Variants in SSTR3 observed in about 807,000 individuals in gnomAD.
The protein encoded by SSTR3 is somatostatin receptor type 3.
For missense variants in SSTR3, 504 were observed against 604.7 expected, an observed-to-expected ratio of 0.83 and a Z score of 1.75; for synonymous variants, 281 against 269.2, an observed-to-expected ratio of 1.04 and a Z score of -0.43.
upstream of SSTR3, among the ~76,000 whole-genome samples, chr22:37,213,257 C>A (rs73887415): frequency 3.1e-3 from 475 of 152,336 alleles, 1 homozygote; most frequent in African/African-American, 0.011. Context: ...GCCGTACAGT[C>A]CTGAGCACAG....
chr22:37,213,479 C>A (rs574462179), upstream of SSTR3, among the ~76,000 whole-genome samples: 1 of 152,354 alleles, frequency 6.6e-6, no homozygotes, highest in South Asian at 2.1e-4. Context: ...AGGTACCTGG[C>A]ACTGCAGAGA....
chr22:37,215,489 G>A (rs1305719026), upstream of SSTR3, among the ~76,000 whole-genome samples: 4 of 152,162 alleles, frequency 2.6e-5, no homozygotes, highest in African/African-American at 7.2e-5. Flanking sequence ...AGGTTCAAGC[G>A]ATTCTCCTGC....
At position 37,206,889 on chromosome 22, in the gene SSTR3, G is replaced by A. The variant is rs776767744; in HGVS notation, c.915C>T (p.Asn305=). 4 of 1,613,590 alleles carry A rather than the reference G, an allele frequency of 2.5e-6. No individual in the cohort carries two copies. The highest frequency in any genetic ancestry group is 3.4e-6 in the Non-Finnish European group (4 of 1,180,034). Residue 305 remains asparagine, a synonymous_variant, in exon 2 of 2, where the codon AAC becomes AAT. Coordinates refer to ENST00000610913, the MANE Select transcript of SSTR3 (RefSeq NM_001051.5). The part of the protein sequence containing the change: ...YFLVVALPYA[N]SCANPILYGF... ...CATAAAGGATGGGGTTGGCACAGCT[G>A]TTGGCATAGGGCAGCGCCACCACCA...
chr22:37,214,138 G>A (rs1417844178), upstream of SSTR3, among the ~76,000 whole-genome samples: 3 of 152,138 alleles, frequency 2.0e-5, no homozygotes, highest in East Asian at 1.9e-4. Flanking sequence ...CCTGGAACCC[G>A]TCCACTGCTC....
the SSTR3 span, among the ~76,000 whole-genome samples, chr22:37,218,740 C>G: frequency 6.6e-6 from 1 of 151,974 alleles, no homozygotes; most frequent in Non-Finnish European, 1.5e-5. Flanking sequence ...AGAACTCTGG[C>G]TGAATACTCC....
At chr22:37,210,313 G>A (rs1926114174) in intron 1 of SSTR3, among the ~76,000 whole-genome samples, 1 of 151,844 alleles carries the variant, frequency 6.6e-6, no homozygotes, top group African/African-American at 2.4e-5. Flanking sequence ...GCACATGTCT[G>A]TGCACCCACA....
rs759747737 is a variant in SSTR3 at position 37,206,808 on chromosome 22, G to T, written c.996C>A (p.Ser332=). The change falls in exon 2 of 2, where the codon TCC becomes TCA. Residue 332 remains serine, a synonymous_variant. Transcript: ENST00000610913. ...TGGGCTCCTGGCTGCGCACACGGCG[G>T]GAGGGCCGCAGCAGGACCCTGCGGA... ...QGFRRVLLRP[S]RRVRSQEPTV... 21 of 1,612,376 alleles carry T rather than the reference G, an allele frequency of 1.3e-5. No homozygotes were observed. In the East Asian group the frequency reaches 4.2e-4, roughly 32 times the overall value.
At chr22:37,220,025 T>G in the SSTR3 span, among the ~76,000 whole-genome samples, 2 of 152,198 alleles carry the variant, frequency 1.3e-5, no homozygotes. Flanking sequence ...AGGGCCTTAG[T>G]GTAAAACAAA....
Position 37,206,459 on chromosome 22 carries a change from A to G in SSTR3, c.*88T>C, listed in dbSNP as rs1422046809. 13 of 1,502,596 alleles carry G rather than the reference A, an allele frequency of 8.7e-6. No individual in the cohort carries two copies. The highest frequency in any genetic ancestry group is 1.4e-5 in the African/African-American group (1 of 71,712). The allele number at this position is 1,502,596 out of a possible 1,614,324, so 93.1% of individuals were successfully genotyped here. Reference sequence around the variant, plus strand: ...AGTCCAGGCCCCTCAACATCCCATCATGGGCCTGTGGCACCTTGGGAAGTA... The same window carrying G: ...AGTCCAGGCCCCTCAACATCCCATCGTGGGCCTGTGGCACCTTGGGAAGTA... On this transcript the variant is annotated 3_prime_UTR_variant, in exon 2 of 2. Coordinates refer to ENST00000610913, the MANE Select transcript of SSTR3 (RefSeq NM_001051.5).
the SSTR3 span, among the ~76,000 whole-genome samples, chr22:37,219,505 C>T: frequency 2.0e-5 from 3 of 152,230 alleles, no homozygotes; most frequent in Admixed American, 6.5e-5. Context: ...TCTCCCTCTC[C>T]GGGACCTGTC....
In SSTR3 at chr22:37,206,709, G is replaced by GC; in HGVS notation, c.1094dup (p.Lys366GlnfsTer88). The GC allele has an allele frequency of 6.2e-7, 1 of 1,608,338 alleles. No individual in the cohort carries two copies. The highest frequency in any genetic ancestry group is 8.5e-7 in the Non-Finnish European group (1 of 1,179,676). On this transcript the variant is annotated frameshift_variant, in exon 2 of 2. Coordinates refer to ENST00000610913, the MANE Select transcript of SSTR3 (RefSeq NM_001051.5). LOFTEE classifies it low-confidence loss of function (END_TRUNC). ...CCCGGCCGTTCATCTCCTTCCCCTTGCCCCCCTCCCTGCTCTCCTCCCCAT... is the reference window on the plus strand; with the variant it reads ...CCCGGCCGTTCATCTCCTTCCCCTTGCCCCCCCTCCCTGCTCTCCTCCCCAT...
In SSTR3 at chr22:37,207,491, C is replaced by T. The variant is rs1925901903; in HGVS notation, c.313G>A (p.Ala105Thr). The T allele has an allele frequency of 8.1e-6, 13 of 1,612,736 alleles. No individual in the cohort carries two copies. Among genetic ancestry groups the T allele is most frequent in the South Asian group, 6.6e-5 (6 of 90,934 alleles). Residue 105 changes from alanine to threonine, a missense_variant, in exon 2 of 2, where the codon GCC becomes ACC. Coordinates refer to ENST00000610913, the MANE Select transcript of SSTR3 (RefSeq NM_001051.5). ...LGLPFLAAQN[A>T]LSYWPFGSLM... ...GAGCCGAAGGGCCAGTAGGACAGGG[C>T]GTTCTGGGCGGCCAGGAAGGGCAGC...
In SSTR3 at chr22:37,207,723, G is replaced by T. The variant is rs770079168; in HGVS notation, c.81C>A (p.Thr27=). ...NASSAWPPDA[T]LGNVSAGPSP... is the part of the protein sequence containing the mutation. ...TTGGGCCCGCCGACACGTTGCCCAG[G>T]GTGGCATCTGGGGGCCAGGCCGAGG... Residue 27 remains threonine, a synonymous_variant, in exon 2 of 2, where the codon ACC becomes ACA. Coordinates refer to ENST00000610913, the MANE Select transcript of SSTR3 (RefSeq NM_001051.5). The T allele has an allele frequency of 3.9e-6, 6 of 1,533,244 alleles. No homozygotes were observed. The highest frequency in any genetic ancestry group is 5.3e-6 in the Non-Finnish European group (6 of 1,140,092). The allele number at this position is 1,533,244 out of a possible 1,614,324, so 95.0% of individuals were successfully genotyped here.
chr22:37,219,905 C>T, the SSTR3 span, among the ~76,000 whole-genome samples: 18 of 152,108 alleles, frequency 1.2e-4, no homozygotes, highest in Non-Finnish European at 2.1e-4. Flanking sequence ...TCAGCTGGGT[C>T]GCTGGCATGG....
In SSTR3 at chr22:37,206,837, C is replaced by T. The variant is rs879306511; in HGVS notation, c.967G>A (p.Gly323Ser). Reference protein sequence around the residue: ...YGFLSYRFKQGFRRVLLRPSR... With the variant: ...YGFLSYRFKQSFRRVLLRPSR... Reference sequence around the variant, plus strand: ...GGCCGCAGCAGGACCCTGCGGAAGCCCTGCTTGAAGCGGTAGGAGAGGAAG... The same window carrying T: ...GGCCGCAGCAGGACCCTGCGGAAGCTCTGCTTGAAGCGGTAGGAGAGGAAG... Residue 323 changes from glycine to serine, a missense_variant, in exon 2 of 2, where the codon GGC becomes AGC. Coordinates refer to ENST00000610913, the MANE Select transcript of SSTR3 (RefSeq NM_001051.5). 2 of 1,613,152 alleles carry T rather than the reference C, an allele frequency of 1.2e-6. No homozygotes were observed. The highest frequency in any genetic ancestry group is 1.7e-6 in the Non-Finnish European group (2 of 1,180,016).
At chr22:37,212,635 G>A (rs1004929610), upstream of SSTR3, among the ~76,000 whole-genome samples, 1 of 152,184 alleles carries the variant, frequency 6.6e-6, no homozygotes, top group African/African-American at 2.4e-5. Flanking sequence ...CCTGCAGGGA[G>A]TTGGAGAGAA....
intron 1 of SSTR3, chr22:37,210,482 A>T: frequency 1.0e-6 from 1 of 976,072 alleles, no homozygotes; most frequent in Non-Finnish European, 1.2e-6. Flanking sequence ...TCCCTGTCAA[A>T]GTTTGAGGGG....
At chr22:37,215,142 G>A (rs1354037164), upstream of SSTR3, among the ~76,000 whole-genome samples, 1 of 152,194 alleles carries the variant, frequency 6.6e-6, no homozygotes, top group Non-Finnish European at 1.5e-5. Context: ...TTATGCCTCG[G>A]TGCATACATC....
chr22:37,217,420 C>T (rs376224267), upstream of SSTR3, among the ~76,000 whole-genome samples: 3 of 151,978 alleles, frequency 2.0e-5, no homozygotes, highest in South Asian at 2.1e-4. Flanking sequence ...CATTTGTCTT[C>T]GGGGGCACCA....
Sources: gnomAD v4.1 joint callset for allele counts (sites outside exome capture counted in the v4.1 genomes callset) on GRCh38, gnomAD v4.1.1 for gene constraint, MANE v1.5 for transcripts, NCBI Gene and HGNC (gene_info 2026-07-23, HGNC 2026-07-21) for gene names.